POTEE: variants seen among roughly 807,000 people sequenced by gnomAD.
The protein encoded by POTEE is ANKRD26-like family C member 1A.
A neutral mutation model predicts 74.2 loss-of-function variants in POTEE; 21 were observed. That is an observed-to-expected ratio of 0.28 (90% CI 0.20 to 0.41). The LOEUF is 0.41. Ranked by LOEUF, POTEE falls within the 10% of genes least tolerant of loss-of-function variation. POTEE has a pLI of 1.00. For synonymous variants in POTEE, 211 were observed against 432.8 expected (o/e 0.49, Z 6.36); for missense variants, 525 against 1,158.6 (o/e 0.45, Z 7.94).
intron 2 of POTEE, among the ~76,000 whole-genome samples, chr2:131,211,856 A>T (rs1347146750): frequency 1.3e-5 from 2 of 148,690 alleles, no homozygotes; most frequent in African/African-American, 4.9e-5. Flanking sequence ...ACTCCCGGTC[A>T]TTTTTTCCTT....
At chr2:131,212,492 G>A (rs1378670249) in intron 2 of POTEE, among the ~76,000 whole-genome samples, 1 of 145,910 alleles carries the variant, frequency 6.9e-6, no homozygotes, top group African/African-American at 2.6e-5. Context: ...GAGTCACGGG[G>A]TAAGTTCTAA....
At chr2:131,231,671 C>T (rs528986711) in intron 9 of POTEE, among the ~76,000 whole-genome samples, 6 of 151,924 alleles carry the variant, frequency 3.9e-5, no homozygotes, top group Non-Finnish European at 1.5e-5. Flanking sequence ...TAATTGTCAT[C>T]ATAACAGTAA....
chr2:131,233,762 C>G (rs61525070), intron 9 of POTEE, among the ~76,000 whole-genome samples: 1 of 146,992 alleles, frequency 6.8e-6, no homozygotes, highest in Non-Finnish European at 1.5e-5. Flanking sequence ...GGCAGAAGAG[C>G]GGTATCGTCA....
Position 131,218,809 on chromosome 2 carries a change from G to A in POTEE, c.407G>A (p.Arg136His), listed in dbSNP as rs761896133. The change falls in exon 4 of 18, where the codon CGT becomes CAT. Residue 136 changes from arginine (R) to histidine (H), a missense_variant. Transcript: ENST00000683005. Reference sequence around the variant, plus strand: ...TTCATGGAGCCCAGGTACCACGTCCGTGGAGAAGATCTGGACAAGCTCCAC... The same window carrying A: ...TTCATGGAGCCCAGGTACCACGTCCATGGAGAAGATCTGGACAAGCTCCAC... ...SAFMEPRYHV[R>H]GEDLDKLHRA... 1.3e-5 allele frequency: 21 copies of A among 1,612,718 alleles called. No homozygotes were observed. The highest frequency in any genetic ancestry group is 2.2e-5 in the East Asian group (1 of 44,878).
At chr2:131,233,723 T>A (rs1047544124) in intron 9 of POTEE, among the ~76,000 whole-genome samples, 1 of 150,884 alleles carries the variant, frequency 6.6e-6, no homozygotes, top group Middle Eastern at 3.4e-3. Context: ...ATGTTTGTGT[T>A]CCCAGTGGCA....
At chr2:131,218,229 C>G in intron 3 of POTEE, 81 bp from the exon 4 acceptor site, 1 of 1,096,640 alleles carries the variant, frequency 9.1e-7, no homozygotes, top group South Asian at 1.6e-5. Flanking sequence ...TGTGGGTTTT[C>G]CCTGGGTGGG....
chr2:131,237,640 T>C (rs1701177384), intron 10 of POTEE, among the ~76,000 whole-genome samples: 1 of 151,720 alleles, frequency 6.6e-6, no homozygotes, highest in Non-Finnish European at 1.5e-5. Context: ...GTATATAATC[T>C]CAATTAAAAT....
At chr2:131,222,288 C>T (rs1700644203) in intron 4 of POTEE, among the ~76,000 whole-genome samples, 1 of 152,242 alleles carries the variant, frequency 6.6e-6, no homozygotes, top group African/African-American at 2.4e-5. Flanking sequence ...AGCCATTATC[C>T]TTAGCAAACT....
Position 131,265,028 on chromosome 2 carries a change from A to G in POTEE, c.*345A>G, listed in dbSNP as rs1701866328. The G allele has an allele frequency of 2.2e-6, 1 of 452,990 alleles. No homozygotes were observed. Among genetic ancestry groups the G allele is most frequent in the Non-Finnish European group, 4.0e-6 (1 of 247,818 alleles). The allele number at this position is 452,990 out of a possible 1,614,324, so 28.1% of individuals were successfully genotyped here. On this transcript the variant is annotated 3_prime_UTR_variant, in exon 18 of 18. Coordinates refer to ENST00000683005, the MANE Select transcript of POTEE (RefSeq NM_001083538.3). Reference sequence around the variant, plus strand: ...AGGAGAATGGCCCAGTCCTCTCCCTAGTTCACACAGGGGAGGTGATAGCAT... The same window carrying G: ...AGGAGAATGGCCCAGTCCTCTCCCTGGTTCACACAGGGGAGGTGATAGCAT...
chr2:131,236,009 A>G (rs1416834376), intron 9 of POTEE, among the ~76,000 whole-genome samples: 1 of 152,074 alleles, frequency 6.6e-6, no homozygotes, highest in East Asian at 1.9e-4. Flanking sequence ...GCAACAGCTC[A>G]GCAGATTTGC....
At chr2:131,210,094 C>T (rs1277541565) in intron 1 of POTEE, among the ~76,000 whole-genome samples, 1 of 145,784 alleles carries the variant, frequency 6.9e-6, no homozygotes, top group Non-Finnish European at 1.5e-5. Context: ...TTCTGCTGCA[C>T]TGCCCGGGGC....
intron 17 of POTEE, among the ~76,000 whole-genome samples, chr2:131,262,862 A>G (rs868322473): frequency 1.2e-4 from 18 of 152,328 alleles, no homozygotes; most frequent in African/African-American, 4.3e-4. Context: ...GTTCTTCAGT[A>G]AAAGAAACTT....
intron 9 of POTEE, among the ~76,000 whole-genome samples, chr2:131,235,685 C>T (rs7609432): frequency 0.71 from 104,197 of 146,642 alleles, 40,414 homozygotes; most frequent in Non-Finnish European, 0.86. Context: ...CCAGCTTCTC[C>T]GGAGACTGAG....
chr2:131,237,349 A>T (rs1230584161), intron 10 of POTEE, among the ~76,000 whole-genome samples: 11 of 152,042 alleles, frequency 7.2e-5, no homozygotes, highest in Non-Finnish European at 1.5e-4. Context: ...CAAGGTTAAA[A>T]ATATATTCTG....
intron 9 of POTEE, among the ~76,000 whole-genome samples, chr2:131,232,972 G>A (rs1316434547): frequency 6.6e-6 from 1 of 152,036 alleles, no homozygotes; most frequent in Non-Finnish European, 1.5e-5. Context: ...CAGGCACTGG[G>A]AAGGTAAATA....
chr2:131,228,120 C>T (rs1700837934), intron 7 of POTEE, 124 bp from the exon 8 acceptor site: 1 of 1,485,248 alleles, frequency 6.7e-7, no homozygotes, highest in Admixed American at 2.4e-5. Flanking sequence ...ACTCAAGATG[C>T]TTATGTCTTT....
intron 6 of POTEE, among the ~76,000 whole-genome samples, chr2:131,225,269 C>T (rs1193606720): frequency 6.6e-6 from 1 of 152,044 alleles, no homozygotes; most frequent in African/African-American, 2.4e-5. Flanking sequence ...TGAAGCCAGG[C>T]ATGGTGGTAC....
rs560636142 is a variant in POTEE at position 131,219,505 on chromosome 2, C to A, written c.521+582C>A. ...CCTGTAATCCCAGCACTTTGGGAGG[C>A]GGGCGGATCACGAGGTCAGGAGATC... On this transcript the variant is annotated intron_variant, in intron 4 of 17. Coordinates refer to ENST00000683005, the MANE Select transcript of POTEE (RefSeq NM_001083538.3). 2.6e-5 allele frequency among the ~76,000 whole-genome samples: 4 copies of A among 152,078 alleles called. No homozygotes were observed. The South Asian group carries it at 8.3e-4, about 32-fold the overall frequency.
chr2:131,213,043 C>G (rs1329873615), intron 2 of POTEE, among the ~76,000 whole-genome samples: 2 of 151,372 alleles, frequency 1.3e-5, no homozygotes, highest in Admixed American at 6.6e-5. Flanking sequence ...TCACTGCAAC[C>G]CCTGCCTCCT....
Sources: allele counts gnomAD v4.1 joint callset (sites outside exome capture counted in the v4.1 genomes callset), GRCh38; gene constraint gnomAD v4.1.1; transcripts MANE v1.5; gene names NCBI Gene and HGNC (gene_info 2026-07-23, HGNC 2026-07-21).